Variants in ZNF69 observed in about 807,000 individuals in gnomAD.
ZNF69 encodes the protein zinc finger protein 69.
In ZNF69, 47 loss-of-function variants were observed where a neutral mutation model predicts 50.9. The ratio of observed to expected loss-of-function variants is 0.92; its 90% CI spans 0.73 to 1.18. The LOEUF (loss-of-function observed/expected upper bound fraction) is 1.18, where lower values mean the gene tolerates loss of function less well. Among genes scored for constraint, ZNF69 ranks in the 50% most tolerant of loss-of-function variants. ZNF69 has a pLI of 0.00. For missense variants in ZNF69, 717 were observed against 675.1 expected, an observed-to-expected ratio of 1.06 and a Z score of -0.69; for synonymous variants, 216 against 223.1, an observed-to-expected ratio of 0.97 and a Z score of 0.29.
At chr19:11,917,092 GCCC>G (rs562746333), downstream of ZNF69, among the ~76,000 whole-genome samples, 321 of 152,278 alleles carry the variant, frequency 2.1e-3, 2 homozygotes, top group African/African-American at 6.8e-3. Context: ...AGTACAGGTG[GCCC>G]CTGGGGCTTT....
At chr19:11,895,041 A>T (rs1167175324) in intron 1 of ZNF69, among the ~76,000 whole-genome samples, 1 of 152,192 alleles carries the variant, frequency 6.6e-6, no homozygotes, top group Non-Finnish European at 1.5e-5. Context: ...GTCTCATGTG[A>T]TAGGGTGACC....
chr19:11,961,615 C>CTTTCTTTTTCTTTTTCTT, the ZNF69 span: 1 of 135,816 alleles, frequency 7.4e-6, no homozygotes, highest in African/African-American at 3.3e-5. Context: ...AAAAAGGAAA[C>CTTTCTTTTTCTTTTTCTT]TTTCTTTTTC....
intron 4 of ZNF69, among the ~76,000 whole-genome samples, chr19:11,912,933 G>A (rs1972478925): frequency 1.3e-5 from 2 of 152,322 alleles, no homozygotes; most frequent in South Asian, 4.1e-4. Context: ...CGGGTGCGGT[G>A]GCTTATGCCC....
At chr19:11,968,061 T>G in the ZNF69 span, among the ~76,000 whole-genome samples, 1 of 152,192 alleles carries the variant, frequency 6.6e-6, no homozygotes, top group Non-Finnish European at 1.5e-5. Flanking sequence ...GCTGTTTTCT[T>G]AATGTCAAAC....
chr19:11,945,375 C>G, the ZNF69 span, among the ~76,000 whole-genome samples: 4 of 152,178 alleles, frequency 2.6e-5, no homozygotes, highest in Admixed American at 2.6e-4. Flanking sequence ...TCTTTCTGAG[C>G]TTGATTGACC....
the ZNF69 span, among the ~76,000 whole-genome samples, chr19:11,919,930 A>G: frequency 6.6e-6 from 1 of 152,144 alleles, no homozygotes; most frequent in African/African-American, 2.4e-5. Flanking sequence ...GAGTCCTCAC[A>G]TAAATCATAT....
chr19:11,894,839 A>C (rs932686576), intron 1 of ZNF69, among the ~76,000 whole-genome samples: 3 of 152,196 alleles, frequency 2.0e-5, no homozygotes, highest in South Asian at 2.1e-4. Flanking sequence ...AGGAGAAATG[A>C]TTCCTGTCCT....
chr19:11,965,389 C>T, the ZNF69 span, among the ~76,000 whole-genome samples: 1 of 152,176 alleles, frequency 6.6e-6, no homozygotes, highest in Admixed American at 6.5e-5. Context: ...GGCTGGCAGC[C>T]GGGACCCCGG....
At chr19:11,955,537 G>T in the ZNF69 span, among the ~76,000 whole-genome samples, 1 of 151,774 alleles carries the variant, frequency 6.6e-6, no homozygotes, top group African/African-American at 2.4e-5. Context: ...GAGACCACAG[G>T]TGCACGCCAC....
At chr19:11,938,064 T>C in the ZNF69 span, among the ~76,000 whole-genome samples, 15 of 152,012 alleles carry the variant, frequency 9.9e-5, no homozygotes, top group African/African-American at 3.6e-4. Flanking sequence ...ATTTATTCAT[T>C]CTTGTCGTTT....
chr19:11,909,203 C>T (rs1054382271), downstream of ZNF69, among the ~76,000 whole-genome samples: 2 of 152,128 alleles, frequency 1.3e-5, no homozygotes, highest in African/African-American at 4.8e-5. Context: ...CAAAAAAAGT[C>T]AAGGACCAGA....
chr19:11,934,696 T>G, the ZNF69 span, among the ~76,000 whole-genome samples: 1 of 147,338 alleles, frequency 6.8e-6, no homozygotes. Context: ...CTGACCAATT[T>G]TTGTATTATT....
At chr19:11,949,142 C>T in the ZNF69 span, 3 of 1,612,264 alleles carry the variant, frequency 1.9e-6, no homozygotes, top group Non-Finnish European at 2.5e-6. Context: ...GGCTTTTATT[C>T]TGCCAAGTCA....
At position 11,906,096 on chromosome 19, in the gene ZNF69, T is replaced by G. The variant is rs769556932; in HGVS notation, c.1699T>G (p.Ter567GlyextTer11). Reference protein sequence around the residue: ...PEDKPYECKQ* With the variant: ...PEDKPYECKQG ...AGATAAACCCTATGAGTGTAAGCAATGAGGGAAAGCCTTCAGATCTGCCTC... is the reference window on the plus strand; with the variant it reads ...AGATAAACCCTATGAGTGTAAGCAAGGAGGGAAAGCCTTCAGATCTGCCTC... The change falls in exon 4 of 4, where the codon TGA becomes GGA. Residue 567 changes from the stop codon to glycine (G), a stop_lost. Transcript: ENST00000429654. The G allele has an allele frequency of 1.9e-6, 3 of 1,610,262 alleles. No individual in the cohort carries two copies. In the South Asian group the frequency reaches 3.3e-5, roughly 18 times the overall value.
chr19:11,979,902 G>A, the ZNF69 span: 13 of 1,401,958 alleles, frequency 9.3e-6, no homozygotes, highest in Non-Finnish European at 1.2e-5. Flanking sequence ...CCTTATAAAT[G>A]TAAGATATGT....
chr19:11,977,184 T>C, the ZNF69 span: 1 of 1,613,684 alleles, frequency 6.2e-7, no homozygotes, highest in Non-Finnish European at 8.5e-7. Context: ...ACAATATTCC[T>C]TCCCTCAGTC....
chr19:11,907,576 G>A (rs941313062), downstream of ZNF69, among the ~76,000 whole-genome samples: 11 of 152,268 alleles, frequency 7.2e-5, no homozygotes, highest in African/African-American at 2.6e-4. Flanking sequence ...GCCATACTAA[G>A]CTTCATAAGT....
chr19:11,907,070 A>G (rs279224), downstream of ZNF69, among the ~76,000 whole-genome samples: 58,319 of 152,010 alleles, frequency 0.38, 13,638 homozygotes, highest in African/African-American at 0.65. Flanking sequence ...GTGGAAGAAA[A>G]GGTATCAGTA....
At chr19:11,937,519 C>T in the ZNF69 span, among the ~76,000 whole-genome samples, 6 of 143,776 alleles carry the variant, frequency 4.2e-5, no homozygotes, top group African/African-American at 1.6e-4. Context: ...GACAGAGTCT[C>T]GCTCTGTCAC....
Sources: allele counts gnomAD v4.1 joint callset (sites outside exome capture counted in the v4.1 genomes callset), GRCh38; gene constraint gnomAD v4.1.1; transcripts MANE v1.5; gene names NCBI Gene and HGNC (gene_info 2026-07-23, HGNC 2026-07-21).